The following MAPK10 variants were observed in gnomAD, a reference collection of about 807,000 sequenced individuals.
MAPK10 encodes the protein mitogen-activated protein kinase 10.
Under a neutral mutation model 59.3 loss-of-function variants are expected in MAPK10, and 25 were observed. The observed-to-expected ratio is 0.42, with a 90% CI of 0.31 to 0.59. The LOEUF (loss-of-function observed/expected upper bound fraction) is 0.59, where lower values mean the gene tolerates loss of function less well. Ranked by LOEUF, MAPK10 falls within the 20% of genes least tolerant of loss-of-function variation. The probability of loss-of-function intolerance (pLI) is 0.15; values close to 1 mark genes in which losing one functional copy is unlikely to be tolerated. For missense variants in MAPK10, 351 were observed against 568.9 expected (o/e 0.62, Z 3.90); for synonymous variants, 190 against 200.5 (o/e 0.95, Z 0.44).
intron 2 of MAPK10, among the ~76,000 whole-genome samples, chr4:86,312,027 A>G (rs544628953): frequency 6.6e-6 from 1 of 152,132 alleles, no homozygotes; most frequent in Non-Finnish European, 1.5e-5. Context: ...TTCTTCTGGA[A>G]TTAACAATGA....
At chr4:86,450,485 T>C (rs993896148) in intron 1 of MAPK10, among the ~76,000 whole-genome samples, 4 of 152,232 alleles carry the variant, frequency 2.6e-5, no homozygotes, top group African/African-American at 9.6e-5. Flanking sequence ...AAGTATTATA[T>C]TAATTTATAA....
chr4:86,151,085 T>G (rs2066343568), intron 4 of MAPK10, among the ~76,000 whole-genome samples: 1 of 152,054 alleles, frequency 6.6e-6, no homozygotes. Context: ...AGACAAAAAC[T>G]AATAGGTCCC....
intron 4 of MAPK10, among the ~76,000 whole-genome samples, chr4:86,127,204 T>TA (rs5860018): frequency 2.5e-4 from 34 of 136,666 alleles, no homozygotes; most frequent in African/African-American, 4.6e-4. Flanking sequence ...TTAGCTTAAT[T>TA]AAAAAAAAAA....
chr4:86,421,891 T>A (rs1170914180), intron 1 of MAPK10, among the ~76,000 whole-genome samples: 1 of 152,110 alleles, frequency 6.6e-6, no homozygotes, highest in African/African-American at 2.4e-5. Flanking sequence ...GAAATCTGGT[T>A]TTTGTTCCCA....
rs115738206 is a variant in MAPK10, at chr4:86,510,197, C to G, written c.-263+83713G>C. Among the ~76,000 whole-genome samples the G allele has an allele frequency of 5.8e-3, 879 of 152,162 alleles. 6 individuals are homozygous for G. Among genetic ancestry groups the G allele is most frequent in the African/African-American group, 0.019 (785 of 41,518 alleles). ...AGTGCAGTGGTGCTCATTGTAGCCT[C>G]AAACACCTGTGCTCAATCAATCCTC... On this transcript the variant is annotated intron_variant, in intron 1 of 4. Coordinates refer to the MAPK10 transcript ENST00000502302.
intron 1 of MAPK10, among the ~76,000 whole-genome samples, chr4:86,513,783 T>G (rs1014945574): frequency 2.0e-5 from 3 of 152,198 alleles, no homozygotes; most frequent in African/African-American, 7.2e-5. Flanking sequence ...GTATGACTCC[T>G]GATAGAATAA....
chr4:86,114,146 A>C (rs1475107017), intron 4 of MAPK10, among the ~76,000 whole-genome samples: 2 of 152,162 alleles, frequency 1.3e-5, no homozygotes, highest in Admixed American at 6.5e-5. Context: ...GCTTCTTTGC[A>C]TTGGGTTAGA....
At chr4:86,121,493 T>C (rs2059241664) in intron 4 of MAPK10, among the ~76,000 whole-genome samples, 1 of 152,158 alleles carries the variant, frequency 6.6e-6, no homozygotes, top group Non-Finnish European at 1.5e-5. Flanking sequence ...AAAAGATACA[T>C]TTGCAGATTA....
At chr4:86,096,891 C>G (rs2054321299) in intron 9 of MAPK10, among the ~76,000 whole-genome samples, 4 of 151,792 alleles carry the variant, frequency 2.6e-5, no homozygotes, top group Admixed American at 2.6e-4. Flanking sequence ...GAACATGGAG[C>G]AAACAGAGAT....
At chr4:86,450,743 C>T (rs1750603391) in intron 1 of MAPK10, among the ~76,000 whole-genome samples, 1 of 152,172 alleles carries the variant, frequency 6.6e-6, no homozygotes, top group African/African-American at 2.4e-5. Context: ...TATGGGTTCA[C>T]GCTTGACATT....
chr4:86,555,405 C>T (rs1578105067), intron 1 of MAPK10, among the ~76,000 whole-genome samples: 1 of 152,158 alleles, frequency 6.6e-6, no homozygotes, highest in African/African-American at 2.4e-5. Flanking sequence ...AAGATCGCAC[C>T]ACTGCACTCT....
At chr4:86,124,033 T>C (rs1033346955) in intron 4 of MAPK10, 4 of 152,038 alleles carry the variant, frequency 2.6e-5, no homozygotes, top group Admixed American at 2.6e-4. Flanking sequence ...TATCAAAGTT[T>C]AAAATCTGAC....
At chr4:86,104,065 A>G (rs1170877649) in intron 5 of MAPK10, among the ~76,000 whole-genome samples, 5 of 152,120 alleles carry the variant, frequency 3.3e-5, no homozygotes, top group Admixed American at 6.5e-5. Context: ...TAAAAATTAG[A>G]TAAGTACAAG....
At chr4:86,583,394 C>T (rs1277412687) in intron 1 of MAPK10, among the ~76,000 whole-genome samples, 2 of 152,014 alleles carry the variant, frequency 1.3e-5, no homozygotes, top group African/African-American at 4.8e-5. Context: ...TACTTGCTTC[C>T]TTGCTTTCCT....
intron 2 of MAPK10, among the ~76,000 whole-genome samples, chr4:86,227,498 A>G (rs1160536618): frequency 6.6e-6 from 1 of 151,522 alleles, no homozygotes; most frequent in Non-Finnish European, 1.5e-5. Flanking sequence ...AAAAAAAAAA[A>G]AAGAAAGAAA....
chr4:86,317,473 C>A (rs540926312), intron 2 of MAPK10, among the ~76,000 whole-genome samples: 34 of 152,316 alleles, frequency 2.2e-4, no homozygotes, highest in Admixed American at 2.2e-3. Context: ...TACTACTGCA[C>A]TTCTAATCAG....
At chr4:86,386,178 G>A (rs1436220767) in intron 1 of MAPK10, among the ~76,000 whole-genome samples, 1 of 152,166 alleles carries the variant, frequency 6.6e-6, no homozygotes, top group East Asian at 1.9e-4. Context: ...TACATCTCTA[G>A]TACATTCTGT....
At chr4:86,050,573 C>G (rs2043318967) in intron 11 of MAPK10, among the ~76,000 whole-genome samples, 1 of 152,066 alleles carries the variant, frequency 6.6e-6, no homozygotes. Context: ...TTTGGGAAAG[C>G]TAGACTAAGT....
intron 1 of MAPK10, among the ~76,000 whole-genome samples, chr4:86,422,706 A>T (rs1325677711): frequency 6.6e-6 from 1 of 152,214 alleles, no homozygotes; most frequent in African/African-American, 2.4e-5. Flanking sequence ...AGTAAGTTTC[A>T]AAACAGACCG....
Sources: gnomAD v4.1 joint callset for allele counts (sites outside exome capture counted in the v4.1 genomes callset) on GRCh38, gnomAD v4.1.1 for gene constraint, MANE v1.5 for transcripts, NCBI Gene and HGNC (gene_info 2026-07-23, HGNC 2026-07-21) for gene names.